Variants in SHANK2 observed in about 807,000 individuals in gnomAD.
SHANK2 encodes SH3 and multiple ankyrin repeat domains protein 2.
SHANK2 carries 43 observed loss-of-function variants against 133.7 expected under a neutral mutation model. That is an observed-to-expected ratio of 0.32 (90% CI 0.25 to 0.41). The LOEUF (loss-of-function observed/expected upper bound fraction) is 0.41. Among genes scored for constraint, SHANK2 ranks in the 10% least tolerant of loss-of-function variants. The pLI, the probability that SHANK2 is intolerant of heterozygous loss-of-function variation, is 1.00. For synonymous variants in SHANK2, 1,017 were observed against 952.8 expected (o/e 1.07, Z -1.24); for missense variants, 1,994 against 2,235.8 (o/e 0.89, Z 2.18).
At chr11:70,685,487 C>A (rs1344526595) in intron 15 of SHANK2, among the ~76,000 whole-genome samples, 1 of 152,094 alleles carries the variant, frequency 6.6e-6, no homozygotes, top group Non-Finnish European at 1.5e-5. Context: ...AAGAGCTAAG[C>A]CCTGCTTGTT....
At chr11:71,160,838 A>G (rs1456433106) in intron 2 of SHANK2, among the ~76,000 whole-genome samples, 1 of 152,184 alleles carries the variant, frequency 6.6e-6, no homozygotes, top group Non-Finnish European at 1.5e-5. Flanking sequence ...CAGCAATGAC[A>G]CCTTAAATGA....
At chr11:70,612,862 T>TC (rs146174418) in intron 17 of SHANK2, among the ~76,000 whole-genome samples, 3,235 of 152,316 alleles carry the variant, frequency 0.021, 106 homozygotes, top group African/African-American at 0.075. Flanking sequence ...GCCTCCACGT[T>TC]CCCCTCCACA....
intron 14 of SHANK2, among the ~76,000 whole-genome samples, chr11:70,731,852 G>A (rs1946295697): frequency 6.6e-6 from 1 of 152,214 alleles, no homozygotes; most frequent in Non-Finnish European, 1.5e-5. Flanking sequence ...AACGGCTGAT[G>A]AGCAGCCCTC....
At chr11:71,085,712 A>ATATTG (rs1565441699) in intron 8 of SHANK2, among the ~76,000 whole-genome samples, 1 of 65,706 alleles carries the variant, frequency 1.5e-5, no homozygotes, top group South Asian at 4.4e-4. Flanking sequence ...TATGTTATAT[A>ATATTG]TATTATATTA....
intron 2 of SHANK2, among the ~76,000 whole-genome samples, chr11:71,198,222 T>A (rs1384611389): frequency 6.6e-6 from 1 of 152,208 alleles, no homozygotes; most frequent in Non-Finnish European, 1.5e-5. Context: ...GTGCTGGGAC[T>A]GCAGACATGA....
intron 15 of SHANK2, among the ~76,000 whole-genome samples, chr11:70,687,613 C>T (rs1381153346): frequency 1.3e-5 from 1 of 79,364 alleles, no homozygotes; most frequent in Admixed American, 1.5e-4. Context: ...TGGGCGGGGG[C>T]GGTGTGGAGG....
At chr11:70,681,577 G>A (rs1945030064) in intron 15 of SHANK2, among the ~76,000 whole-genome samples, 1 of 152,186 alleles carries the variant, frequency 6.6e-6, no homozygotes, top group Non-Finnish European at 1.5e-5. Flanking sequence ...TAACCATCCA[G>A]GCTCTCAGCC....
chr11:70,870,927 G>A (rs182331800), intron 11 of SHANK2, among the ~76,000 whole-genome samples: 95 of 152,216 alleles, frequency 6.2e-4, no homozygotes, highest in African/African-American at 2.1e-3. Context: ...ACAGGCACCC[G>A]CCACCACGCC....
intron 2 of SHANK2, among the ~76,000 whole-genome samples, chr11:71,183,340 C>T (rs557548779): frequency 2.0e-5 from 3 of 152,232 alleles, no homozygotes; most frequent in South Asian, 4.1e-4. Context: ...CACTCTCCCC[C>T]GGGTGAGCAG....
intron 14 of SHANK2, among the ~76,000 whole-genome samples, chr11:70,758,192 T>C (rs1318083179): frequency 6.6e-6 from 1 of 152,230 alleles, no homozygotes; most frequent in Non-Finnish European, 1.5e-5. Context: ...ATGATCGGGA[T>C]GTAAACCCAG....
At chr11:71,180,685 G>A (rs951192412) in intron 2 of SHANK2, among the ~76,000 whole-genome samples, 7 of 152,096 alleles carry the variant, frequency 4.6e-5, no homozygotes, top group East Asian at 1.9e-4. Context: ...GTCAATCCAC[G>A]TAAGCCACAC....
intron 11 of SHANK2, among the ~76,000 whole-genome samples, chr11:70,857,601 C>T (rs375530678): frequency 6.6e-6 from 1 of 152,164 alleles, no homozygotes; most frequent in Admixed American, 6.5e-5. Context: ...CAAGAGAGCA[C>T]AAGCAGTTGA....
intron 14 of SHANK2, among the ~76,000 whole-genome samples, chr11:70,740,808 G>A (rs782236925): frequency 6.6e-6 from 1 of 152,188 alleles, no homozygotes; most frequent in South Asian, 2.1e-4. Context: ...TCTCCCCAGA[G>A]GCAGTTCTGG....
rs139256955 is a variant in SHANK2, at chr11:70,790,983, A to C, written c.1777+7460T>G. 2.9e-3 allele frequency among the ~76,000 whole-genome samples: 439 copies of C among 152,308 alleles called. 3 individuals carry two copies. Among genetic ancestry groups the C allele is most frequent in the African/African-American group, 0.01 (429 of 41,558 alleles). ...CAGGCCACAGAATGGAAGGGCCTGGACTGCTTGGTCACATCATGGAGAAAA... is the reference window on the plus strand; with the variant it reads ...CAGGCCACAGAATGGAAGGGCCTGGCCTGCTTGGTCACATCATGGAGAAAA... On this transcript the variant is annotated intron_variant, in intron 14 of 25. Transcript: ENST00000601538.
rs888524091 is a variant in SHANK2 at position 70,867,394 on chromosome 11, G to A, written c.1174+29107C>T. ...GGTCCGGAGGCCAAGGATCAGGCCA[G>A]GACTCCACCAACGGAGGACGAGAGG... is the stretch of plus-strand genomic sequence containing the variant. On this transcript the variant is annotated intron_variant, in intron 11 of 25. Coordinates refer to ENST00000601538, the MANE Select transcript of SHANK2 (RefSeq NM_012309.5). 3.3e-5 allele frequency among the ~76,000 whole-genome samples: 5 copies of A among 152,340 alleles called. No individual in the cohort carries two copies. In the East Asian group the frequency reaches 9.7e-4, roughly 29 times the overall value.
rs1047853139 is a variant in SHANK2 at position 70,472,583 on chromosome 11, C to T, written c.*286G>A. The T allele has an allele frequency of 6.3e-6, 3 of 477,166 alleles. No individual in the cohort carries two copies. Among genetic ancestry groups the T allele is most frequent in the Non-Finnish European group, 1.2e-5 (3 of 260,416 alleles). The allele number at this position is 477,166 out of a possible 1,614,324, so 29.6% of individuals were successfully genotyped here. ...GCCTCTCGGACCCGGCAAAGCGAGG[C>T]CACCTGCATGCTGGGCGGCAGGCTG... is the stretch of plus-strand genomic sequence containing the variant. On this transcript the variant is annotated 3_prime_UTR_variant, in exon 26 of 26. Coordinates refer to ENST00000601538, the MANE Select transcript of SHANK2 (RefSeq NM_012309.5). This position sits in a 1 kb window ranked among gnomAD's most constrained non-coding sequence, Gnocchi z 4.4.
intron 6 of SHANK2, among the ~76,000 whole-genome samples, chr11:71,100,721 C>T (rs72957634): frequency 0.33 from 50,844 of 151,796 alleles, 9,106 homozygotes; most frequent in African/African-American, 0.43. Context: ...ACAAAAATAA[C>T]TCAGGCATGG....
At chr11:70,518,403 TA>T (rs1203491828) in intron 17 of SHANK2, among the ~76,000 whole-genome samples, 3 of 152,104 alleles carry the variant, frequency 2.0e-5, no homozygotes, top group African/African-American at 7.2e-5. Context: ...TTCTCATGCC[TA>T]AAAAGCGACT....
At chr11:70,492,277 C>T in intron 22 of SHANK2, 58 bp downstream of exon 22, 1 of 1,600,122 alleles carries the variant, frequency 6.2e-7, no homozygotes, top group South Asian at 1.1e-5. Flanking sequence ...AGACAGCCCA[C>T]CCACTTCCTG....
Sources: gnomAD v4.1 joint callset for allele counts (sites outside exome capture counted in the v4.1 genomes callset) on GRCh38, gnomAD v4.1.1 for gene constraint, Gnocchi (gnomAD v3.1) non-coding constraint, MANE v1.5 for transcripts, NCBI Gene and HGNC (gene_info 2026-07-23, HGNC 2026-07-21) for gene names.